DPP10: variants seen among roughly 807,000 people sequenced by gnomAD.
The protein encoded by DPP10 is dipeptidyl peptidase like 10.
Under a neutral mutation model 120.9 loss-of-function variants are expected in DPP10, and 33 were observed. The observed-to-expected ratio is 0.27, with a 90% CI of 0.21 to 0.37. The LOEUF (loss-of-function observed/expected upper bound fraction) is 0.37, where lower values mean the gene tolerates loss of function less well. Among genes scored for constraint, DPP10 ranks in the 10% least tolerant of loss-of-function variants. The probability of loss-of-function intolerance (pLI) is 1.00; values close to 1 mark genes in which losing one functional copy is unlikely to be tolerated. For synonymous variants in DPP10, 337 were observed against 326.1 expected, an observed-to-expected ratio of 1.03 and a Z score of -0.36; for missense variants, 816 against 942.8, an observed-to-expected ratio of 0.87 and a Z score of 1.76.
At chr2:115,105,891 A>T (rs2048923898) in intron 1 of DPP10, among the ~76,000 whole-genome samples, 1 of 152,230 alleles carries the variant, frequency 6.6e-6, no homozygotes, top group Admixed American at 6.5e-5. Context: ...CAGGCAAAAG[A>T]CTTCGAATAA....
intron 1 of DPP10, among the ~76,000 whole-genome samples, chr2:115,075,335 A>ATACAATCAGTATGTAAAGG (rs1707698087): frequency 6.6e-6 from 1 of 152,210 alleles, no homozygotes; most frequent in Non-Finnish European, 1.5e-5. Context: ...AAGCCAAAAG[A>ATACAATCAGTATGTAAAGG]TACAATCAGT....
intron 1 of DPP10, among the ~76,000 whole-genome samples, chr2:115,001,186 G>A (rs1701415287): frequency 1.3e-5 from 2 of 152,050 alleles, no homozygotes; most frequent in Admixed American, 6.6e-5. Context: ...AATTTTCAGT[G>A]CTAACCATTA....
At chr2:115,169,293 A>G (rs1228325019) in intron 1 of DPP10, among the ~76,000 whole-genome samples, 1 of 152,208 alleles carries the variant, frequency 6.6e-6, no homozygotes, top group African/African-American at 2.4e-5. Flanking sequence ...CTTGAAACCT[A>G]GTAAGTATTT....
At chr2:114,479,409 A>G (rs1680807946) in intron 1 of DPP10, among the ~76,000 whole-genome samples, 1 of 91,304 alleles carries the variant, frequency 1.1e-5, no homozygotes, top group South Asian at 2.8e-4. Context: ...CAATGAAAAA[A>G]TGAAAAAAAA....
chr2:115,593,816 T>G (rs2082826907), intron 5 of DPP10, among the ~76,000 whole-genome samples: 1 of 152,240 alleles, frequency 6.6e-6, no homozygotes, highest in Non-Finnish European at 1.5e-5. Context: ...ATACTTGGCT[T>G]GATTAATTGC....
intron 2 of DPP10, among the ~76,000 whole-genome samples, chr2:115,341,330 A>G (rs898598255): frequency 2.6e-5 from 4 of 152,094 alleles, no homozygotes; most frequent in Admixed American, 2.6e-4. Context: ...TGAAAGGTAC[A>G]GGAATTTCCC....
At position 115,638,104 on chromosome 2, in the gene DPP10, C is replaced by G. The variant is rs887500908; in HGVS notation, c.442-51583C>G. On this transcript the variant is annotated intron_variant, in intron 5 of 25. Transcript: ENST00000410059. ...TGAAATCTCTAGAATTATGCACTTT[C>G]ATATACATCTGTGGTTCTGCCTAAT... 3.3e-5 allele frequency among the ~76,000 whole-genome samples: 5 copies of G among 152,326 alleles called. No individual in the cohort carries two copies. The East Asian group carries it at 7.7e-4, about 24-fold the overall frequency.
intron 1 of DPP10, among the ~76,000 whole-genome samples, chr2:114,659,827 G>A (rs945939046): frequency 2.0e-5 from 3 of 152,154 alleles, no homozygotes; most frequent in African/African-American, 7.2e-5. Context: ...ACACTTAGAT[G>A]TACATACACA....
intron 5 of DPP10, among the ~76,000 whole-genome samples, chr2:115,654,841 C>A (rs1034813214): frequency 6.6e-6 from 1 of 151,662 alleles, no homozygotes; most frequent in African/African-American, 2.4e-5. Context: ...TAGCATGTAA[C>A]AGATGAAGTA....
At chr2:115,316,755 T>C (rs1399261074) in intron 2 of DPP10, among the ~76,000 whole-genome samples, 1 of 152,162 alleles carries the variant, frequency 6.6e-6, no homozygotes, top group Non-Finnish European at 1.5e-5. Flanking sequence ...AAATGTGATA[T>C]TCTGGCCTCT....
chr2:115,296,683 T>G (rs1432468109), intron 1 of DPP10, among the ~76,000 whole-genome samples: 1 of 152,110 alleles, frequency 6.6e-6, no homozygotes, highest in African/African-American at 2.4e-5. Context: ...TGCACCACAG[T>G]GCTGAGTATT....
intron 1 of DPP10, among the ~76,000 whole-genome samples, chr2:115,067,759 A>C (rs1283478467): frequency 1.4e-5 from 2 of 143,020 alleles, no homozygotes; most frequent in African/African-American, 2.5e-5. Flanking sequence ...GCTACTCGGG[A>C]GGCTGAGGCA....
intron 1 of DPP10, among the ~76,000 whole-genome samples, chr2:114,804,831 T>A (rs1684581537): frequency 6.6e-6 from 1 of 152,128 alleles, no homozygotes; most frequent in African/African-American, 2.4e-5. Context: ...TGAAATGAGT[T>A]AAGACTTTGC....
intron 1 of DPP10, among the ~76,000 whole-genome samples, chr2:115,240,997 G>A (rs1297768765): frequency 6.6e-6 from 1 of 152,152 alleles, no homozygotes; most frequent in Non-Finnish European, 1.5e-5. Flanking sequence ...TTGGTCGGGC[G>A]CAGTGGCTCA....
chr2:114,497,280 CGTGTAT>C, intron 1 of DPP10, among the ~76,000 whole-genome samples: 1 of 50,480 alleles, frequency 2.0e-5, no homozygotes, highest in South Asian at 7.3e-4. Context: ...TACATGTATA[CGTGTAT>C]ACATGTACAT....
chr2:115,439,604 G>A (rs925090647), intron 3 of DPP10, among the ~76,000 whole-genome samples: 1 of 152,110 alleles, frequency 6.6e-6, no homozygotes, highest in Non-Finnish European at 1.5e-5. Flanking sequence ...TTATTTCTAC[G>A]AGAAGATGGA....
In DPP10 at chr2:115,162,085, T is replaced by A. The variant is rs1278041433; in HGVS notation, c.61-147154T>A. On this transcript the variant is annotated intron_variant, in intron 1 of 25. Transcript: ENST00000410059. ...CGGGAGGGGTGGCTCCAGTGCGCGC[T>A]CCGCCCGCCTCCCGCTTCCCAGGCT... 9.4e-6 allele frequency: 14 copies of A among 1,490,384 alleles called. No individual in the cohort carries two copies. The Admixed American group carries it at 2.7e-4, about 28-fold the overall frequency. The allele number at this position is 1,490,384 out of a possible 1,614,324, so 92.3% of individuals were successfully genotyped here.
intron 1 of DPP10, among the ~76,000 whole-genome samples, chr2:114,836,261 T>G (rs1687726336): frequency 6.6e-6 from 1 of 152,190 alleles, no homozygotes; most frequent in African/African-American, 2.4e-5. Context: ...TAGTTATTTA[T>G]CAGGGGAAAT....
In DPP10 at chr2:114,713,443, G is replaced by A. The variant is rs923276926; in HGVS notation, c.60+270605G>A. On this transcript the variant is annotated intron_variant, in intron 1 of 25. Coordinates refer to ENST00000410059, the MANE Select transcript of DPP10 (RefSeq NM_020868.6). ...ATACAACTAAGTCAATGTCAACTTA[G>A]CTAAAGCCCTATCGGAAAATAAAAA... Among the ~76,000 whole-genome samples the A allele has an allele frequency of 4.6e-5, 7 of 152,126 alleles. No individual in the cohort carries two copies. In the South Asian group the frequency reaches 6.2e-4, roughly 13 times the overall value.
Sources: gnomAD v4.1 joint callset for allele counts (sites outside exome capture counted in the v4.1 genomes callset) on GRCh38, gnomAD v4.1.1 for gene constraint, MANE v1.5 for transcripts, NCBI Gene and HGNC (gene_info 2026-07-23, HGNC 2026-07-21) for gene names.